Variants in DNAH3 observed in about 807,000 individuals in gnomAD.
DNAH3 encodes dynein axonemal heavy chain 3, also known as axonemal beta dynein heavy chain 3.
Under a neutral mutation model 432.5 loss-of-function variants are expected in DNAH3, and 332 were observed. The ratio of observed to expected loss-of-function variants is 0.77; its 90% CI spans 0.70 to 0.84. The LOEUF (loss-of-function observed/expected upper bound fraction) is 0.84. Among genes scored for constraint, DNAH3 ranks in the 40% least tolerant of loss-of-function variants. The pLI is 0.00. For missense variants in DNAH3, 4,861 were observed against 5,114.0 expected, an observed-to-expected ratio of 0.95 and a Z score of 1.51; for synonymous variants, 1,956 against 1,900.2, an observed-to-expected ratio of 1.03 and a Z score of -0.76.
chr16:21,031,004 T>C (rs560003577), intron 37 of DNAH3, 41 bp downstream of exon 37: 139 of 1,604,812 alleles, frequency 8.7e-5, no homozygotes, highest in Middle Eastern at 5.0e-4. Context: ...AAAGAGTTTA[T>C]GTCTCACTCA....
At chr16:21,150,377 C>G (rs879773978) in intron 1 of DNAH3, 3 of 442,592 alleles carry the variant, frequency 6.8e-6, no homozygotes, top group Non-Finnish European at 1.3e-5. Context: ...TTCAGCTTCT[C>G]CAGGGATGTG....
chr16:20,977,139 C>A (rs2085629879), intron 50 of DNAH3, among the ~76,000 whole-genome samples: 11 of 152,120 alleles, frequency 7.2e-5, no homozygotes, highest in Admixed American at 7.2e-4. Flanking sequence ...CTTTGGGAGG[C>A]TGAGGTGGGC....
chr16:20,983,486 C>T (rs2086017643), intron 48 of DNAH3, among the ~76,000 whole-genome samples: 1 of 152,248 alleles, frequency 6.6e-6, no homozygotes, highest in Non-Finnish European at 1.5e-5. Context: ...CTTCGGGTCA[C>T]GTAGCCAGTG....
intron 44 of DNAH3, 72 bp from the exon 45 acceptor site, chr16:20,988,137 G>C: frequency 1.3e-6 from 2 of 1,586,668 alleles, no homozygotes. Flanking sequence ...ACCCTAGGAT[G>C]CACACGAGGT....
In DNAH3 at chr16:21,086,737, T is replaced by C. The variant is rs193106900; in HGVS notation, c.2877+112A>G. On this transcript the variant is annotated intron_variant, in intron 19 of 61. Transcript: ENST00000261383. ...GCTATCCCTTTGCCCTTAAATAGAG[T>C]CTCCTTTCGGAAAGGAGAAGCTTGA... The C allele has an allele frequency of 7.0e-5, 65 of 928,576 alleles. No homozygotes were observed. In the African/African-American group the frequency reaches 1.0e-3, roughly 15 times the overall value. 57.5% of individuals were successfully genotyped at this position (928,576 alleles called of 1,614,324 possible).
intron 44 of DNAH3, among the ~76,000 whole-genome samples, chr16:20,988,393 A>C (rs2086322214): frequency 6.6e-6 from 1 of 152,156 alleles, no homozygotes; most frequent in Non-Finnish European, 1.5e-5. Context: ...AGTGCTCATT[A>C]TTATATCATA....
chr16:21,141,902 A>C (rs1178480196), intron 3 of DNAH3, among the ~76,000 whole-genome samples: 2 of 151,902 alleles, frequency 1.3e-5, no homozygotes, highest in Admixed American at 1.3e-4. Flanking sequence ...AAATACAAAA[A>C]TTAGCCGGGC....
At chr16:20,946,585 C>G (rs1261265297) in intron 57 of DNAH3, among the ~76,000 whole-genome samples, 1 of 152,114 alleles carries the variant, frequency 6.6e-6, no homozygotes, top group Non-Finnish European at 1.5e-5. Flanking sequence ...AGGAATCAGG[C>G]CTTGGCATGT....
chr16:21,082,572 G>A (rs1365253790), intron 19 of DNAH3, among the ~76,000 whole-genome samples: 1 of 152,110 alleles, frequency 6.6e-6, no homozygotes, highest in African/African-American at 2.4e-5. Flanking sequence ...GCTTACTCCT[G>A]TAATCCCAGC....
chr16:21,102,681 G>T (rs2091864003), intron 16 of DNAH3, among the ~76,000 whole-genome samples: 1 of 152,014 alleles, frequency 6.6e-6, no homozygotes, highest in African/African-American at 2.4e-5. Flanking sequence ...TAACAAACCT[G>T]CACATGTACT....
At chr16:21,140,343 ACTCT>A (rs958256465) in intron 5 of DNAH3, 189 bp downstream of exon 6, 3 of 532,004 alleles carry the variant, frequency 5.6e-6, no homozygotes, top group East Asian at 3.1e-5. Context: ...ATGTACACAC[ACTCT>A]CTCTCCTTCT....
At chr16:21,084,428 T>A (rs374159944) in intron 19 of DNAH3, among the ~76,000 whole-genome samples, 2 of 152,228 alleles carry the variant, frequency 1.3e-5, no homozygotes, top group African/African-American at 4.8e-5. Flanking sequence ...GCTCAAGTGA[T>A]GCTCCCACCT....
intron 56 of DNAH3, among the ~76,000 whole-genome samples, chr16:20,949,515 T>C (rs570091885): frequency 9.9e-5 from 15 of 152,282 alleles, no homozygotes; most frequent in Admixed American, 4.6e-4. Context: ...TAGGTATGTA[T>C]GTATAGGATA....
chr16:21,072,236 A>ATTTATTTATTT (rs148820116), intron 21 of DNAH3, among the ~76,000 whole-genome samples: 2 of 147,472 alleles, frequency 1.4e-5, no homozygotes, highest in Non-Finnish European at 3.0e-5. Flanking sequence ...TTAATTAATT[A>ATTTATTTATTT]ATTAATTTTA....
intron 24 of DNAH3, 114 bp from the exon 25 acceptor site, chr16:21,062,797 C>A (rs765601384): frequency 4.1e-5 from 31 of 758,792 alleles, no homozygotes; most frequent in Non-Finnish European, 5.9e-5. Flanking sequence ...TTATGTCTTG[C>A]GGTCTTCACA....
chr16:21,037,202 G>A (rs576730889), intron 34 of DNAH3, among the ~76,000 whole-genome samples: 23 of 152,150 alleles, frequency 1.5e-4, no homozygotes, highest in African/African-American at 4.3e-4. Flanking sequence ...CCAGCTATTC[G>A]GGAGGCTGAG....
At chr16:20,991,546 G>T (rs915801688) in intron 44 of DNAH3, among the ~76,000 whole-genome samples, 11 of 152,162 alleles carry the variant, frequency 7.2e-5, no homozygotes, top group African/African-American at 2.2e-4. Context: ...TTACAGACGT[G>T]AGCCTCTGCA....
At chr16:20,958,387 G>A (rs1449098915) in intron 54 of DNAH3, among the ~76,000 whole-genome samples, 1 of 151,866 alleles carries the variant, frequency 6.6e-6, no homozygotes, top group Non-Finnish European at 1.5e-5. Flanking sequence ...ATTTTTTTTA[G>A]ACAAATAATA....
intron 12 of DNAH3, among the ~76,000 whole-genome samples, chr16:21,112,994 G>A (rs2092108876): frequency 6.6e-6 from 1 of 152,152 alleles, no homozygotes; most frequent in African/African-American, 2.4e-5. Flanking sequence ...TGATTTTACA[G>A]GCTCATAGGC....
Sources: gnomAD v4.1 joint callset for allele counts (sites outside exome capture counted in the v4.1 genomes callset) on GRCh38, gnomAD v4.1.1 for gene constraint, MANE v1.5 for transcripts, NCBI Gene and HGNC (gene_info 2026-07-23, HGNC 2026-07-21) for gene names.